The following MAP6D1 variants were observed in gnomAD, a reference collection of about 807,000 sequenced individuals.
MAP6D1 encodes the protein MAP6 domain containing 1, also known as MAP6 domain-containing protein 1.
A neutral mutation model predicts 17.4 loss-of-function variants in MAP6D1; 13 were observed. The observed-to-expected ratio is 0.75, with a 90% CI of 0.49 to 1.19. MAP6D1 has a LOEUF of 1.19. MAP6D1 is among the 50% of genes most tolerant of loss of function. The pLI is 0.00. For synonymous variants in MAP6D1, 141 were observed against 145.7 expected, an observed-to-expected ratio of 0.97 and a Z score of 0.23; for missense variants, 313 against 312.6, an observed-to-expected ratio of 1.00 and a Z score of -0.01.
chr3:183,824,986 A>G (rs1346729894), intron 1 of MAP6D1, among the ~76,000 whole-genome samples, 161 bp downstream of exon 1: 1 of 152,164 alleles, frequency 6.6e-6, no homozygotes, highest in African/African-American at 2.4e-5. Flanking sequence ...CCCACGGACC[A>G]AACGGGGGTG....
At chr3:183,820,256 GT>G (rs2108562448) in intron 1 of MAP6D1, 1 of 152,354 alleles carries the variant, frequency 6.6e-6, no homozygotes, top group Admixed American at 6.5e-5. Flanking sequence ...AATTTCTTAA[GT>G]TTGCTTAGAT....
At position 183,825,480 on chromosome 3, in the gene MAP6D1, T is replaced by C; in HGVS notation, c.68A>G (p.Asp23Gly). 1 of 1,428,576 alleles carries C rather than the reference T, an allele frequency of 7.0e-7. No homozygotes were observed. The highest frequency in any genetic ancestry group is 9.1e-7 in the Non-Finnish European group (1 of 1,094,122). The allele number at this position is 1,428,576 out of a possible 1,614,324, so 88.5% of individuals were successfully genotyped here. The change falls in exon 1 of 3, where the codon GAC (aspartate) becomes GGC (glycine). Residue 23 changes from aspartate to glycine, a missense_variant. Transcript: ENST00000318631. ...ARRWNQLDRS[D>G]VAVPLTLHGY... ...GTGCAGAGTGAGCGGCACCGCCACG[T>C]CGGAGCGGTCCAGCTGGTTCCAGCG...
At chr3:183,819,217 G>T (rs1356739678) in intron 1 of MAP6D1, among the ~76,000 whole-genome samples, 1 of 152,264 alleles carries the variant, frequency 6.6e-6, no homozygotes, top group Non-Finnish European at 1.5e-5. Flanking sequence ...GCAGGGAATG[G>T]CTGTGTCCAT....
chr3:183,819,636 A>G (rs984371339), intron 1 of MAP6D1, among the ~76,000 whole-genome samples: 3 of 152,178 alleles, frequency 2.0e-5, no homozygotes, highest in African/African-American at 4.8e-5. Context: ...CAAGATTAGT[A>G]AGAAATACAG....
chr3:183,822,628 C>T (rs569447062), intron 1 of MAP6D1, among the ~76,000 whole-genome samples: 24 of 152,312 alleles, frequency 1.6e-4, no homozygotes, highest in Non-Finnish European at 2.8e-4. Flanking sequence ...CCTCATAGGT[C>T]GGCACTTTGT....
chr3:183,824,969 T>G (rs1021229485), intron 1 of MAP6D1, among the ~76,000 whole-genome samples, 178 bp downstream of exon 1: 8 of 152,102 alleles, frequency 5.3e-5, no homozygotes, highest in Non-Finnish European at 1.0e-4. Flanking sequence ...AGGCGCCGCC[T>G]GCAGTGCCCA....
At chr3:183,818,146 G>A (rs1224537177) in intron 1 of MAP6D1, 35 bp from the exon 2 acceptor site, 3 of 1,578,722 alleles carry the variant, frequency 1.9e-6, no homozygotes, top group African/African-American at 1.3e-5. Flanking sequence ...GCTTGCACAG[G>A]GTCAGCCACC....
chr3:183,818,049 C>T lies in MAP6D1; in HGVS notation c.464G>A (p.Arg155Gln), dbSNP rs757103099. ...PSRSTKTKPA[R>Q]VITTHTSGWD... Reference sequence around the variant, plus strand: ...TCCCGAAGTGTGGGTTGTGATGACTCGGGCTGGTTTTGTCTTTGTGGATCT... The same window carrying T: ...TCCCGAAGTGTGGGTTGTGATGACTTGGGCTGGTTTTGTCTTTGTGGATCT... Residue 155 changes from arginine (R) to glutamine (Q), a missense_variant, in exon 2 of 3, where the codon CGA becomes CAA. By Grantham distance (43) the Arg-to-Gln change is conservative. Coordinates refer to ENST00000318631, the MANE Select transcript of MAP6D1 (RefSeq NM_024871.4). The T allele has an allele frequency of 1.2e-5, 19 of 1,614,046 alleles. No individual in the cohort carries two copies. The highest frequency in any genetic ancestry group is 8.9e-5 in the East Asian group (4 of 44,890).
In MAP6D1 at chr3:183,817,267, C is replaced by T. The variant is rs1437731707; in HGVS notation, c.*89G>A. On this transcript the variant is annotated 3_prime_UTR_variant, in exon 3 of 3. Coordinates refer to ENST00000318631, the MANE Select transcript of MAP6D1 (RefSeq NM_024871.4). ...TGTGCCCTCCCGCAGGGGCCCATGCCATGCTCTCGCCCAGCCCCGCGGCAG... is the reference window on the plus strand; with the variant it reads ...TGTGCCCTCCCGCAGGGGCCCATGCTATGCTCTCGCCCAGCCCCGCGGCAG... 6.0e-6 allele frequency: 8 copies of T among 1,331,962 alleles called. No individual in the cohort carries two copies. The highest frequency in any genetic ancestry group is 2.0e-5 in the Admixed American group (1 of 50,460). 82.5% of individuals were successfully genotyped at this position (1,331,962 alleles called of 1,614,324 possible). A position where few individuals can be genotyped will look rare whatever the true frequency, so the allele number is the denominator to read the frequency against.
At position 183,816,812 on chromosome 3, in the gene MAP6D1, C is replaced by CA; in HGVS notation, c.*543_*544insT. On this transcript the variant is annotated 3_prime_UTR_variant, in exon 3 of 3. Transcript: ENST00000318631. ...GAAGCCCGTGACTGACGGTCTGTTT[C>CA]TTCTGGAAATTTCCTCCTGGATACT... The CA allele has an allele frequency of 1.3e-5, 2 of 154,926 alleles. No homozygotes were observed. The highest frequency in any genetic ancestry group is 2.9e-5 in the Non-Finnish European group (2 of 69,626). The allele number at this position is 154,926 out of a possible 1,614,324, so 9.6% of individuals were successfully genotyped here.
At chr3:183,821,901 TC>T (rs1232122881) in intron 1 of MAP6D1, among the ~76,000 whole-genome samples, 1 of 152,004 alleles carries the variant, frequency 6.6e-6, no homozygotes, top group African/African-American at 2.4e-5. Flanking sequence ...CCTCAGGAGA[TC>T]CGTCCATCTC....
chr3:183,817,292 G>A lies in MAP6D1; in HGVS notation c.*64C>T, dbSNP rs901391267. 1.7e-5 allele frequency: 26 copies of A among 1,491,146 alleles called. No individual in the cohort carries two copies. In the Admixed American group the frequency reaches 5.1e-4, roughly 29 times the overall value. 92.4% of individuals were successfully genotyped at this position (1,491,146 alleles called of 1,614,324 possible). A position where few individuals can be genotyped will look rare whatever the true frequency, so the allele number is the denominator to read the frequency against. On this transcript the variant is annotated 3_prime_UTR_variant, in exon 3 of 3. Transcript: ENST00000318631. The stretch of plus-strand genomic sequence containing the variant: ...CATGCTCTCGCCCAGCCCCGCGGCA[G>A]TGGGTCCTGAGGCCGCTCCCCAGCC...
At chr3:183,822,229 C>A (rs1402742667) in intron 1 of MAP6D1, among the ~76,000 whole-genome samples, 1 of 144,722 alleles carries the variant, frequency 6.9e-6, no homozygotes, top group Non-Finnish European at 1.5e-5. Context: ...CAACATAAAC[C>A]CCATCTCTAA....
chr3:183,823,946 C>T (rs1478854863), intron 1 of MAP6D1, among the ~76,000 whole-genome samples: 2 of 152,240 alleles, frequency 1.3e-5, no homozygotes, highest in Non-Finnish European at 2.9e-5. Flanking sequence ...TCCATCAGGG[C>T]ATCCTGTGCT....
Position 183,825,460 on chromosome 3 carries a change from G to A in MAP6D1, c.88C>T (p.Leu30=), listed in dbSNP as rs972481768. ...DRSDVAVPLT[L]HGYSDLDSEE... is the part of the protein sequence containing the mutation. ...CTGTCGAGGTCCGAGTAGCCGTGCAGAGTGAGCGGCACCGCCACGTCGGAG... is the reference window on the plus strand; with the variant it reads ...CTGTCGAGGTCCGAGTAGCCGTGCAAAGTGAGCGGCACCGCCACGTCGGAG... Residue 30 remains leucine, a synonymous_variant, in exon 1 of 3, where the codon CTG becomes TTG. Coordinates refer to ENST00000318631, the MANE Select transcript of MAP6D1 (RefSeq NM_024871.4). 2.1e-6 allele frequency: 3 copies of A among 1,434,944 alleles called. No homozygotes were observed. The highest frequency in any genetic ancestry group is 1.5e-5 in the African/African-American group (1 of 67,010). 88.9% of individuals were successfully genotyped at this position (1,434,944 alleles called of 1,614,324 possible).
chr3:183,817,703 C>CTCTT (rs979034856), intron 2 of MAP6D1, among the ~76,000 whole-genome samples: 3 of 152,124 alleles, frequency 2.0e-5, no homozygotes, highest in African/African-American at 7.2e-5. Context: ...CGTCTCTTTC[C>CTCTT]TCTTACACAA....
intron 1 of MAP6D1, among the ~76,000 whole-genome samples, chr3:183,821,666 C>T (rs1245799557): frequency 6.6e-6 from 1 of 151,810 alleles, no homozygotes; most frequent in Non-Finnish European, 1.5e-5. Context: ...CTGCTTCAGC[C>T]TCCCGAGTAG....
Position 183,825,157 on chromosome 3 carries a change from T to C in MAP6D1, c.391A>G (p.Thr131Ala). 6.9e-7 allele frequency: 1 copy of C among 1,453,246 alleles called. No individual in the cohort carries two copies. Among genetic ancestry groups the C allele is most frequent in the Non-Finnish European group, 9.1e-7 (1 of 1,100,626 alleles). 90.0% of individuals were successfully genotyped at this position (1,453,246 alleles called of 1,614,324 possible). ...GDADAAAAVTTSYRQEFQAWT... is the reference protein window; with the variant it reads ...GDADAAAAVTASYRQEFQAWT... ...CTACCCAGCCCATACCTGTACGACG[T>C]GGTCACTGCTGCAGCCGCGTCCGCG... is the stretch of plus-strand genomic sequence containing the variant. Residue 131 changes from threonine (T) to alanine (A), a missense_variant, in exon 1 of 3, where the codon ACG becomes GCG. Transcript: ENST00000318631.
rs1233602219 is a variant in MAP6D1 at position 183,816,834 on chromosome 3, T to TACTC, written c.*518_*521dup. The TACTC allele has an allele frequency of 6.4e-6, 1 of 155,656 alleles. No individual in the cohort carries two copies. The highest frequency in any genetic ancestry group is 2.4e-5 in the African/African-American group (1 of 41,478). 9.6% of individuals were successfully genotyped at this position (155,656 alleles called of 1,614,324 possible). On this transcript the variant is annotated 3_prime_UTR_variant, in exon 3 of 3. Coordinates refer to ENST00000318631, the MANE Select transcript of MAP6D1 (RefSeq NM_024871.4). ...TTTCTTCTGGAAATTTCCTCCTGGA[T>TACTC]ACTCAGCATCACCATGAGTCATGCA...
Sources: gnomAD v4.1 joint callset for allele counts (sites outside exome capture counted in the v4.1 genomes callset) on GRCh38, gnomAD v4.1.1 for gene constraint, MANE v1.5 for transcripts, NCBI Gene and HGNC (gene_info 2026-07-23, HGNC 2026-07-21) for gene names.